CAPRIN1: variants seen among roughly 807,000 people sequenced by gnomAD.
The protein encoded by CAPRIN1 is caprin-1.
Under a neutral mutation model 100.9 loss-of-function variants are expected in CAPRIN1, and 29 were observed. The observed-to-expected ratio is 0.29, with a 90% CI of 0.21 to 0.39. The LOEUF (loss-of-function observed/expected upper bound fraction) is 0.39. CAPRIN1 is among the 10% of genes least tolerant of loss of function. CAPRIN1 has a pLI of 1.00. For missense variants in CAPRIN1, 795 were observed against 876.7 expected (o/e 0.91, Z 1.18); for synonymous variants, 338 against 307.5 (o/e 1.10, Z -1.04).
rs140986595 is a variant in CAPRIN1 at position 34,101,404 on chromosome 11, T to A, written c.*2037T>A. Among the ~76,000 whole-genome samples the A allele has an allele frequency of 5.8e-4, 88 of 152,292 alleles. 1 individual carries two copies. The highest frequency in any genetic ancestry group is 1.6e-3 in the Admixed American group (24 of 15,298). On this transcript the variant is annotated 3_prime_UTR_variant, in exon 19 of 19. Transcript: ENST00000341394. ...TTTGCTATCTGTGTAGAAAATAATT[T>A]CATGACATTTACAATCAGGACTGAA... is the stretch of plus-strand genomic sequence containing the variant.
intron 2 of CAPRIN1, among the ~76,000 whole-genome samples, chr11:34,065,495 G>C (rs1338485846): frequency 6.6e-6 from 1 of 152,220 alleles, no homozygotes; most frequent in Non-Finnish European, 1.5e-5. Flanking sequence ...GGTAGTGCCT[G>C]AGAATTTGTG....
intron 2 of CAPRIN1, chr11:34,053,192 C>T (rs964362783): frequency 1.0e-5 from 10 of 982,256 alleles, no homozygotes; most frequent in Non-Finnish European, 1.2e-5. Context: ...TAAGGTAGAA[C>T]TGCCTTTCCG....
rs140627436 is a variant in CAPRIN1 at position 34,076,319 on chromosome 11, T to C, written c.450T>C (p.Leu150=). ...EAEQKRLKTV[L]ELQYVLDKLG... ...AACAGAAACGTTTAAAAACTGTACT[T>C]GAGCTACAGTATGTTTTGGACAAAT... The change falls in exon 5 of 19, where the codon CTT becomes CTC. Residue 150 remains leucine (L), a synonymous_variant. Transcript: ENST00000341394. 3.1e-6 allele frequency: 5 copies of C among 1,612,676 alleles called. No individual in the cohort carries two copies. In the African/African-American group the frequency reaches 6.7e-5, roughly 22 times the overall value.
chr11:34,099,042 T>C, intron 18 of CAPRIN1: 2 of 1,356,432 alleles, frequency 1.5e-6, no homozygotes, highest in Non-Finnish European at 1.9e-6. Flanking sequence ...ACTCAATAAA[T>C]ATTTGTTGAA....
rs759450929 is a variant in CAPRIN1 at position 34,090,248 on chromosome 11, A to G, written c.1363A>G (p.Thr455Ala). ...ACCCTTGTACCAGCCTTCTCATGCTACAGAGCAACGACCACAGAAGGAACC... is the reference window on the plus strand; with the variant it reads ...ACCCTTGTACCAGCCTTCTCATGCTGCAGAGCAACGACCACAGAAGGAACC... Reference protein sequence around the residue: ...SQPLYQPSHATEQRPQKEPID... With the variant: ...SQPLYQPSHAAEQRPQKEPID... The change falls in exon 13 of 19, where the codon ACA becomes GCA. Residue 455 changes from threonine to alanine, a missense_variant. Transcript: ENST00000341394. The G allele has an allele frequency of 1.2e-6, 2 of 1,613,914 alleles. No homozygotes were observed. Among genetic ancestry groups the G allele is most frequent in the Non-Finnish European group, 1.7e-6 (2 of 1,179,920 alleles).
At chr11:34,094,924 C>A (rs1463854555) in intron 15 of CAPRIN1, among the ~76,000 whole-genome samples, 1 of 152,104 alleles carries the variant, frequency 6.6e-6, no homozygotes, top group Non-Finnish European at 1.5e-5. Flanking sequence ...CTCTTGTCTC[C>A]CAGGCTGGAG....
intron 2 of CAPRIN1, chr11:34,053,064 GT>G: frequency 9.7e-7 from 1 of 1,030,486 alleles, no homozygotes; most frequent in South Asian, 3.3e-5. Context: ...CGACCGCCTC[GT>G]GGAGTTGGGG....
At chr11:34,058,854 C>T (rs1850513080) in intron 2 of CAPRIN1, among the ~76,000 whole-genome samples, 1 of 152,172 alleles carries the variant, frequency 6.6e-6, no homozygotes, top group African/African-American at 2.4e-5. Context: ...CTGGAAAAAG[C>T]ATTACCAGTA....
Position 34,052,525 on chromosome 11 carries a change from C to G in CAPRIN1, c.105C>G (p.Ala35=), listed in dbSNP as rs370335951. Residue 35 remains alanine, a synonymous_variant, in exon 2 of 19, where the codon GCC becomes GCG. Coordinates refer to ENST00000341394, the MANE Select transcript of CAPRIN1 (RefSeq NM_005898.5). ...AGGCGGCCGCGGGAGCCGGGGCCGC[C>G]GCGCCGGCTTCTCAGCACCCCGCAA... ...GSEAAAGAGA[A]APASQHPATG... 1 of 1,604,932 alleles carries G rather than the reference C, an allele frequency of 6.2e-7. No homozygotes were observed. Among genetic ancestry groups the G allele is most frequent in the Non-Finnish European group, 8.5e-7 (1 of 1,176,394 alleles).
chr11:34,052,512 G>C lies in CAPRIN1; in HGVS notation c.92G>C (p.Gly31Ala). ...SGSSGSEAAA[G>A]AGAAAPASQH... ...TCCTCCGGGAGTGAGGCGGCCGCGG[G>C]AGCCGGGGCCGCCGCGCCGGCTTCT... is the stretch of plus-strand genomic sequence containing the variant. The change falls in exon 2 of 19, where the codon GGA becomes GCA. Residue 31 changes from glycine (G) to alanine (A), a missense_variant. Physicochemically the swap from Gly to Ala is moderately conservative, Grantham distance 60. Coordinates refer to ENST00000341394, the MANE Select transcript of CAPRIN1 (RefSeq NM_005898.5). 1 of 1,604,840 alleles carries C rather than the reference G, an allele frequency of 6.2e-7. No individual in the cohort carries two copies. The highest frequency in any genetic ancestry group is 8.5e-7 in the Non-Finnish European group (1 of 1,176,608).
rs1440547667 is a variant in CAPRIN1, at chr11:34,086,398, C to T, written c.1216C>T (p.Leu406=). Residue 406 remains leucine, a synonymous_variant, in exon 11 of 19, where the codon CTG becomes TTG. Coordinates refer to ENST00000341394, the MANE Select transcript of CAPRIN1 (RefSeq NM_005898.5). ...NPTQNMDMPQ[L]VCPPVHSESR... is the part of the protein sequence containing the mutation. ...AACACAAAACATGGACATGCCCCAG[C>T]TGGTTTGCCCTCCAGGTTAGTAGTG... 1 of 1,609,958 alleles carries T rather than the reference C, an allele frequency of 6.2e-7. No homozygotes were observed. The highest frequency in any genetic ancestry group is 1.1e-5 in the South Asian group (1 of 90,776).
intron 2 of CAPRIN1, among the ~76,000 whole-genome samples, chr11:34,068,413 G>C (rs969526368): frequency 2.0e-5 from 3 of 152,180 alleles, no homozygotes; most frequent in Non-Finnish European, 2.9e-5. Context: ...GTAGTGCCAA[G>C]GTCACATTTT....
intron 12 of CAPRIN1, 142 bp from the exon 13 acceptor site, chr11:34,090,037 A>G: frequency 8.1e-6 from 4 of 493,904 alleles, no homozygotes; most frequent in East Asian, 3.2e-5. Flanking sequence ...ATACAAATTT[A>G]AAGAGAGATG....
At chr11:34,089,317 G>T in intron 11 of CAPRIN1, 78 bp from the exon 12 acceptor site, 1 of 274,456 alleles carries the variant, frequency 3.6e-6, no homozygotes, top group Non-Finnish European at 6.6e-6. Flanking sequence ...GCCTTTAATA[G>T]CGAAATAAAA....
chr11:34,061,831 C>T (rs1263886287), intron 2 of CAPRIN1, among the ~76,000 whole-genome samples: 3 of 151,856 alleles, frequency 2.0e-5, no homozygotes, highest in East Asian at 1.9e-4. Flanking sequence ...ATTAGCCGTG[C>T]GTAGTGGCTT....
chr11:34,078,590 T>G (rs1280168521), intron 6 of CAPRIN1, among the ~76,000 whole-genome samples: 2 of 152,196 alleles, frequency 1.3e-5, no homozygotes, highest in Non-Finnish European at 2.9e-5. Flanking sequence ...CTTTAGTGGC[T>G]TCATCTCAGT....
At chr11:34,078,657 CA>C (rs1850951891) in intron 6 of CAPRIN1, among the ~76,000 whole-genome samples, 1 of 152,092 alleles carries the variant, frequency 6.6e-6, no homozygotes, top group South Asian at 2.1e-4. Flanking sequence ...TGGCCTTTAC[CA>C]GTTTCTCCAG....
chr11:34,063,874 C>G (rs925867982), intron 2 of CAPRIN1, among the ~76,000 whole-genome samples: 5 of 152,082 alleles, frequency 3.3e-5, no homozygotes, highest in Admixed American at 2.0e-4. Flanking sequence ...GATCTCAGCT[C>G]ACCGCTGCCT....
At chr11:34,061,345 T>TA (rs994135589) in intron 2 of CAPRIN1, among the ~76,000 whole-genome samples, 2 of 151,864 alleles carry the variant, frequency 1.3e-5, no homozygotes, top group South Asian at 4.2e-4. Context: ...TAGCTGGTAT[T>TA]ATAGGCAACC....
Sources: gnomAD v4.1 joint callset for allele counts (sites outside exome capture counted in the v4.1 genomes callset) on GRCh38, gnomAD v4.1.1 for gene constraint, MANE v1.5 for transcripts, NCBI Gene and HGNC (gene_info 2026-07-23, HGNC 2026-07-21) for gene names.